COPG2: variants seen among roughly 807,000 people sequenced by gnomAD.
COPG2 encodes coat protein complex I subunit gamma 2.
A neutral mutation model predicts 46.3 loss-of-function variants in COPG2; 37 were observed. That is an observed-to-expected ratio of 0.80 (90% CI 0.61 to 1.05). The LOEUF (loss-of-function observed/expected upper bound fraction) is 1.05, where lower values mean the gene tolerates loss of function less well. COPG2 is among the 50% of genes least tolerant of loss of function. COPG2 has a pLI of 0.00. For synonymous variants in COPG2, 159 were observed against 129.7 expected (o/e 1.23, Z -1.53); for missense variants, 427 against 387.8 (o/e 1.10, Z -0.85).
At chr7:130,602,776 C>T (rs1381793016) in intron 9 of COPG2, 1 of 152,130 alleles carries the variant, frequency 6.6e-6, no homozygotes, top group African/African-American at 2.4e-5. Context: ...CCCGGCCAAC[C>T]ACTTTCCTTT....
chr7:130,663,750 T>G (rs1413124274), intron 3 of COPG2, among the ~76,000 whole-genome samples: 1 of 142,396 alleles, frequency 7.0e-6, no homozygotes, highest in East Asian at 2.0e-4. Flanking sequence ...TTTTTTTTTT[T>G]TTTTTTGAGA....
In COPG2 at chr7:130,605,937, G is replaced by A. The variant is rs117907108; in HGVS notation, c.737+5016C>T. On this transcript the variant is annotated intron_variant, in intron 9 of 23. Coordinates refer to ENST00000425248, the MANE Select transcript of COPG2 (RefSeq NM_012133.6). The stretch of plus-strand genomic sequence containing the variant: ...TGGTACCTGTAAGTGAAGTGTTACT[G>A]CGACAAATACCTCAAATTGTAGAAC... Among the ~76,000 whole-genome samples, 1,408 of 152,304 alleles carry A rather than the reference G, an allele frequency of 9.2e-3. 14 individuals carry two copies. The highest frequency in any genetic ancestry group is 0.015 in the Non-Finnish European group (1,012 of 68,040).
At chr7:130,586,462 G>A (rs1554447992) in intron 9 of COPG2, among the ~76,000 whole-genome samples, 2 of 151,212 alleles carry the variant, frequency 1.3e-5, no homozygotes, top group African/African-American at 4.9e-5. Context: ...ATAACTTATG[G>A]AAAAAAAAAT....
intron 3 of COPG2, 46 bp from the exon 4 acceptor site, chr7:130,663,084 T>TA: frequency 9.3e-7 from 1 of 1,078,314 alleles, no homozygotes; most frequent in Non-Finnish European, 1.3e-6. Flanking sequence ...AAGTGTATAT[T>TA]CATATATATG....
At chr7:130,602,091 T>G (rs916209795) in intron 9 of COPG2, among the ~76,000 whole-genome samples, 22 of 152,182 alleles carry the variant, frequency 1.4e-4, no homozygotes, top group Admixed American at 6.5e-5. Context: ...CTGGACAGAT[T>G]CTCTCAGATC....
At chr7:130,667,267 C>T (rs1358755378) in intron 2 of COPG2, among the ~76,000 whole-genome samples, 1 of 152,184 alleles carries the variant, frequency 6.6e-6, no homozygotes, top group African/African-American at 2.4e-5. Context: ...TTTAAAATTC[C>T]CAACCTGTGA....
At chr7:130,546,414 A>G (rs1793444168) in intron 20 of COPG2, among the ~76,000 whole-genome samples, 1 of 152,238 alleles carries the variant, frequency 6.6e-6, no homozygotes, top group Non-Finnish European at 1.5e-5. Context: ...AAATGGAACT[A>G]GAGAAACCTC....
chr7:130,526,602 ACAG>A (rs1799776607), intron 20 of COPG2, among the ~76,000 whole-genome samples: 1 of 151,702 alleles, frequency 6.6e-6, no homozygotes, highest in Admixed American at 6.7e-5. Context: ...CACAGGCAGG[ACAG>A]CCATAGGTGG....
intron 9 of COPG2, among the ~76,000 whole-genome samples, chr7:130,564,896 C>T (rs1400128185): frequency 1.3e-5 from 2 of 152,292 alleles, no homozygotes; most frequent in Middle Eastern, 3.4e-3. Context: ...GACTCAAGAG[C>T]TCATTCAGCA....
At chr7:130,620,959 G>T (rs1189066385) in intron 5 of COPG2, among the ~76,000 whole-genome samples, 2 of 152,124 alleles carry the variant, frequency 1.3e-5, no homozygotes, top group Non-Finnish European at 2.9e-5. Context: ...TATGGCAAAA[G>T]GTACTTTGCA....
chr7:130,621,955 A>G (rs1265097717), intron 5 of COPG2, among the ~76,000 whole-genome samples: 1 of 148,594 alleles, frequency 6.7e-6, no homozygotes, highest in Non-Finnish European at 1.5e-5. Context: ...AAAAAAAAAA[A>G]AAAAAAAAAA....
intron 12 of COPG2, 104 bp from the exon 13 acceptor site, chr7:130,555,236 A>T: frequency 2.6e-6 from 1 of 387,470 alleles, no homozygotes; most frequent in Non-Finnish European, 4.6e-6. Flanking sequence ...TGGCTACTAA[A>T]CATACTTTCC....
At chr7:130,511,711 T>C in intron 20 of COPG2, 1 of 514,908 alleles carries the variant, frequency 1.9e-6, no homozygotes, top group Non-Finnish European at 3.9e-6. Flanking sequence ...AGGAAGGGCC[T>C]ACTGGCAGAG....
At chr7:130,546,540 G>A (rs1041195129) in intron 20 of COPG2, among the ~76,000 whole-genome samples, 2 of 152,182 alleles carry the variant, frequency 1.3e-5, no homozygotes, top group East Asian at 3.8e-4. Flanking sequence ...ATGGATCCAG[G>A]GTGGCTAAAG....
At chr7:130,661,558 G>T (rs192745977) in intron 4 of COPG2, among the ~76,000 whole-genome samples, 1 of 152,152 alleles carries the variant, frequency 6.6e-6, no homozygotes, top group Non-Finnish European at 1.5e-5. Context: ...ATATGAACCT[G>T]AAGTTGCTTC....
intron 9 of COPG2, among the ~76,000 whole-genome samples, chr7:130,589,791 T>C (rs1229372795): frequency 6.6e-6 from 1 of 152,192 alleles, no homozygotes; most frequent in Non-Finnish European, 1.5e-5. Context: ...AGGTGATGCT[T>C]ATTTTTGTTT....
At chr7:130,600,961 G>A (rs868928915) in intron 9 of COPG2, among the ~76,000 whole-genome samples, 1 of 152,088 alleles carries the variant, frequency 6.6e-6, no homozygotes, top group Admixed American at 6.6e-5. Flanking sequence ...TTTGAGATTC[G>A]GTTATAAAAC....
chr7:130,572,631 A>ATT (rs1793929055), intron 9 of COPG2, among the ~76,000 whole-genome samples: 1 of 152,150 alleles, frequency 6.6e-6, no homozygotes, highest in African/African-American at 2.4e-5. Flanking sequence ...ATCAAGAAGA[A>ATT]ATCAAATGGG....
chr7:130,647,410 T>G (rs1390283315), intron 5 of COPG2, among the ~76,000 whole-genome samples: 3 of 152,164 alleles, frequency 2.0e-5, no homozygotes, highest in Non-Finnish European at 2.9e-5. Flanking sequence ...TAACACACAT[T>G]TCCCACAAAC....
Sources: gnomAD v4.1 joint callset for allele counts (sites outside exome capture counted in the v4.1 genomes callset) on GRCh38, gnomAD v4.1.1 for gene constraint, MANE v1.5 for transcripts, NCBI Gene and HGNC (gene_info 2026-07-23, HGNC 2026-07-21) for gene names.